Variants in VAV3 observed in about 807,000 individuals in gnomAD.
VAV3 encodes the protein vav guanine nucleotide exchange factor 3.
A neutral mutation model predicts 131.2 loss-of-function variants in VAV3; 94 were observed. That is an observed-to-expected ratio of 0.72 (90% CI 0.61 to 0.85). The LOEUF (loss-of-function observed/expected upper bound fraction) is 0.85, where lower values mean the gene tolerates loss of function less well. VAV3 is among the 40% of genes least tolerant of loss of function. VAV3 has a pLI of 0.00. For synonymous variants in VAV3, 349 were observed against 342.0 expected (o/e 1.02, Z -0.22); for missense variants, 939 against 1,002.7 (o/e 0.94, Z 0.86).
intron 1 of VAV3, 103 bp downstream of exon 1, chr1:107,964,563 C>T: frequency 7.6e-7 from 1 of 1,313,928 alleles, no homozygotes; most frequent in Non-Finnish European, 1.0e-6. Flanking sequence ...GGAAGCAGGG[C>T]AAGCTCAGCG....
At position 107,751,188 on chromosome 1, in the gene VAV3, C is replaced by CA; in HGVS notation, c.1187dup (p.Leu396PhefsTer11). 6.2e-7 allele frequency: 1 copy of CA among 1,612,324 alleles called. No individual in the cohort carries two copies. Among genetic ancestry groups the CA allele is most frequent in the Non-Finnish European group, 8.5e-7 (1 of 1,179,400 alleles). On this transcript the variant is annotated frameshift_variant, in exon 13 of 27. Transcript: ENST00000370056. LOFTEE classifies it high-confidence loss of function. ...CATCTCCCTGAGGTCGTCCAAAAAG[C>CA]AAAACTGGTTGGTTCTAAAATATAA...
At chr1:107,860,352 T>C (rs1400989108) in intron 2 of VAV3, among the ~76,000 whole-genome samples, 1 of 151,840 alleles carries the variant, frequency 6.6e-6, no homozygotes, top group Non-Finnish European at 1.5e-5. Context: ...GAGCGGTGAT[T>C]GTAGTAGTTT....
intron 15 of VAV3, among the ~76,000 whole-genome samples, chr1:107,709,548 A>C (rs1660650893): frequency 6.6e-6 from 1 of 152,212 alleles, no homozygotes. Flanking sequence ...TTATTGTGAG[A>C]AAATATTTAA....
At chr1:107,938,350 G>A (rs1006507786) in intron 1 of VAV3, among the ~76,000 whole-genome samples, 1 of 152,188 alleles carries the variant, frequency 6.6e-6, no homozygotes, top group Non-Finnish European at 1.5e-5. Flanking sequence ...CCAAGAAGGC[G>A]AGAGGCAGGA....
intron 17 of VAV3, among the ~76,000 whole-genome samples, chr1:107,697,707 T>C (rs1659833230): frequency 1.3e-5 from 2 of 152,164 alleles, no homozygotes; most frequent in Admixed American, 6.5e-5. Context: ...GCCCTAGAAC[T>C]GAATGTGTCT....
chr1:107,927,845 G>T (rs1291956641), intron 1 of VAV3, among the ~76,000 whole-genome samples: 1 of 152,184 alleles, frequency 6.6e-6, no homozygotes, highest in African/African-American at 2.4e-5. Flanking sequence ...CCTGGGGCCT[G>T]GGGGAACTTG....
At chr1:107,779,847 A>G (rs1665590692) in intron 2 of VAV3, among the ~76,000 whole-genome samples, 1 of 152,184 alleles carries the variant, frequency 6.6e-6, no homozygotes, top group South Asian at 2.1e-4. Context: ...TCTCCAGTAT[A>G]GTACCCACTA....
intron 2 of VAV3, among the ~76,000 whole-genome samples, chr1:107,794,020 G>A (rs947602297): frequency 2.6e-5 from 4 of 152,228 alleles, no homozygotes; most frequent in South Asian, 2.1e-4. Flanking sequence ...TAATTACTGC[G>A]CAGAAGGCGC....
At chr1:107,773,871 G>T (rs1295942766) in intron 4 of VAV3, among the ~76,000 whole-genome samples, 1 of 152,128 alleles carries the variant, frequency 6.6e-6, no homozygotes, top group East Asian at 1.9e-4. Context: ...TTCTGCATTG[G>T]AGGGGATCCT....
In VAV3 at chr1:107,690,499, G is replaced by A. The variant is rs568481903; in HGVS notation, c.1706-2093C>T. Among the ~76,000 whole-genome samples the A allele has an allele frequency of 4.6e-5, 7 of 152,276 alleles. No individual in the cohort carries two copies. The South Asian group carries it at 1.4e-3, about 32-fold the overall frequency. On this transcript the variant is annotated intron_variant, in intron 17 of 26. Coordinates refer to ENST00000370056, the MANE Select transcript of VAV3 (RefSeq NM_006113.5). ...GATCCATCATAGAACACCAGAGGCT[G>A]TGAGACCCAGACACGGCACTGATGA... is the stretch of plus-strand genomic sequence containing the variant.
intron 24 of VAV3, among the ~76,000 whole-genome samples, chr1:107,599,234 A>C (rs1651645356): frequency 6.6e-6 from 1 of 152,138 alleles, no homozygotes; most frequent in Non-Finnish European, 1.5e-5. Flanking sequence ...ACGAGGGTAA[A>C]TCTTCCTACA....
At chr1:107,937,978 GA>G (rs1318286365) in intron 1 of VAV3, among the ~76,000 whole-genome samples, 1 of 152,100 alleles carries the variant, frequency 6.6e-6, no homozygotes, top group African/African-American at 2.4e-5. Flanking sequence ...ATAGAAAAAT[GA>G]AATCATTTTA....
At chr1:107,739,036 T>C (rs1478710522) in intron 15 of VAV3, among the ~76,000 whole-genome samples, 1 of 152,240 alleles carries the variant, frequency 6.6e-6, no homozygotes, top group South Asian at 2.1e-4. Flanking sequence ...CTAATTCAGC[T>C]TACTAATTTT....
At chr1:107,701,744 T>C (rs9726335) in intron 17 of VAV3, among the ~76,000 whole-genome samples, 83,342 of 152,010 alleles carry the variant, frequency 0.55, 24,123 homozygotes, top group Non-Finnish European at 0.63. Flanking sequence ...ATCTCTAGGG[T>C]GGGGCACAAT....
chr1:107,593,478 T>G (rs1478178941), intron 25 of VAV3, among the ~76,000 whole-genome samples: 5 of 152,122 alleles, frequency 3.3e-5, no homozygotes, highest in Non-Finnish European at 7.4e-5. Flanking sequence ...CCTTGCCTGC[T>G]CTGTATCCTC....
intron 19 of VAV3, among the ~76,000 whole-genome samples, chr1:107,657,127 G>A (rs1213863240): frequency 6.6e-6 from 1 of 151,678 alleles, no homozygotes; most frequent in Non-Finnish European, 1.5e-5. Context: ...GCTGATTTTT[G>A]TGTTTTTAGC....
At chr1:107,860,861 T>A (rs1557887174) in intron 2 of VAV3, among the ~76,000 whole-genome samples, 1 of 151,548 alleles carries the variant, frequency 6.6e-6, no homozygotes, top group African/African-American at 2.4e-5. Context: ...TGAGACCCTA[T>A]CTTTTACAAA....
Position 107,922,177 on chromosome 1 carries a change from T to G in VAV3, c.204+42489A>C, listed in dbSNP as rs553650542. ...CAGTTGCCTCCACTGGGCTCATCTA[T>G]CACTCTACCTTGCACACACCTCAAG... On this transcript the variant is annotated intron_variant, in intron 1 of 26. Coordinates refer to ENST00000370056, the MANE Select transcript of VAV3 (RefSeq NM_006113.5). 2.4e-4 allele frequency among the ~76,000 whole-genome samples: 36 copies of G among 152,260 alleles called. 1 individual carries two copies. The South Asian group carries it at 5.4e-3, about 23-fold the overall frequency.
At position 107,648,561 on chromosome 1, in the gene VAV3, C is replaced by T. The variant is rs142963462; in HGVS notation, c.1778-5806G>A. Among the ~76,000 whole-genome samples the T allele has an allele frequency of 1.2e-3, 188 of 152,048 alleles. 1 individual carries two copies. The highest frequency in any genetic ancestry group is 2.0e-3 in the Non-Finnish European group (138 of 67,938). ...GCAGACCCCTGGCAAACAGCTATTC[C>T]CAGGGATGTAAGGAATCCAGTTTCA... On this transcript the variant is annotated intron_variant, in intron 19 of 26. Coordinates refer to ENST00000370056, the MANE Select transcript of VAV3 (RefSeq NM_006113.5).
Sources: gnomAD v4.1 joint callset for allele counts (sites outside exome capture counted in the v4.1 genomes callset) on GRCh38, gnomAD v4.1.1 for gene constraint, MANE v1.5 for transcripts, NCBI Gene and HGNC (gene_info 2026-07-23, HGNC 2026-07-21) for gene names.